The following KAZN variants were observed in gnomAD, a reference collection of about 807,000 sequenced individuals.
KAZN encodes kazrin, periplakin interacting protein.
In KAZN, 40 loss-of-function variants were observed where a neutral mutation model predicts 87.4. The ratio of observed to expected loss-of-function variants is 0.46; its 90% confidence interval spans 0.36 to 0.60. The LOEUF (loss-of-function observed/expected upper bound fraction) is 0.60, where lower values mean the gene tolerates loss of function less well. Among genes scored for constraint, KAZN ranks in the 20% least tolerant of loss-of-function variants. The probability of loss-of-function intolerance (pLI) is 0.00; values close to 1 mark genes in which losing one functional copy is unlikely to be tolerated. For missense variants in KAZN, 898 were observed against 1,073.9 expected (o/e 0.84, Z 2.29); for synonymous variants, 466 against 458.3 (o/e 1.02, Z -0.22).
intron 1 of KAZN, among the ~76,000 whole-genome samples, chr1:14,113,267 T>C (rs993707947): frequency 6.6e-6 from 1 of 152,158 alleles, no homozygotes; most frequent in Non-Finnish European, 1.5e-5. Flanking sequence ...TCTTAGGGAG[T>C]TGGGGCTGGC....
rs541996031 is a variant in KAZN at position 14,290,981 on chromosome 1, A to C, written c.249+110389A>C. On this transcript the variant is annotated intron_variant, in intron 2 of 16. Transcript: ENST00000636203. ...GGAGTTTGCTGGAGGTCCACTCCAG[A>C]CCCTGTTTGCCTGGGTATCACCAGC... 2.7e-4 allele frequency among the ~76,000 whole-genome samples: 41 copies of C among 152,212 alleles called. 1 individual carries two copies. In the East Asian group the frequency reaches 3.9e-3, roughly 14 times the overall value.
intron 2 of KAZN, among the ~76,000 whole-genome samples, chr1:14,301,284 G>A (rs896743225): frequency 1.2e-4 from 18 of 152,188 alleles, no homozygotes; most frequent in African/African-American, 2.9e-4. Context: ...AGTCAGACAC[G>A]GTAGAGGAGA....
chr1:14,041,237 T>C (rs1333756239), intron 1 of KAZN, among the ~76,000 whole-genome samples: 1 of 152,232 alleles, frequency 6.6e-6, no homozygotes. Context: ...CACCCCTCTT[T>C]CTTTTCTCCT....
At chr1:14,653,153 G>A (rs2148700737) in intron 1 of KAZN, among the ~76,000 whole-genome samples, 1 of 152,350 alleles carries the variant, frequency 6.6e-6, no homozygotes, top group South Asian at 2.1e-4. Flanking sequence ...GGGTGGTTCA[G>A]AAACAAGTCC....
In KAZN at chr1:15,063,611, C is replaced by G. The variant is rs903330901; in HGVS notation, c.1087C>G (p.Pro363Ala). ...PGPVQKNLHN[P>A]IVQSLEDLED... ...CCCAGTTCAGAAGAACCTGCACAAC[C>G]CTATTGTACAGGTAGGTGTGCCCTC... is the stretch of plus-strand genomic sequence containing the variant. The change falls in exon 7 of 15, where the codon CCT becomes GCT. Residue 363 changes from proline to alanine, a missense_variant. Physicochemically the swap from Pro to Ala is conservative, Grantham distance 27 (BLOSUM62 -1). Coordinates refer to ENST00000376030, the MANE Select transcript of KAZN (RefSeq NM_201628.3). 1 of 1,613,626 alleles carries G rather than the reference C, an allele frequency of 6.2e-7. No individual in the cohort carries two copies. Among genetic ancestry groups the G allele is most frequent in the Non-Finnish European group, 8.5e-7 (1 of 1,179,494 alleles).
intron 2 of KAZN, among the ~76,000 whole-genome samples, chr1:14,492,882 A>G (rs1669750703): frequency 6.6e-6 from 1 of 151,332 alleles, no homozygotes; most frequent in Non-Finnish European, 1.5e-5. Flanking sequence ...GCACACACAC[A>G]TGCACACCAC....
In KAZN at chr1:14,735,985, G is replaced by GT. The variant is rs1215162528; in HGVS notation, c.226+136764dup. On this transcript the variant is annotated intron_variant, in intron 1 of 14. Transcript: ENST00000376030. This position sits in a 1 kb window ranked among gnomAD's most constrained non-coding sequence, Gnocchi z 4.3. ...GATGAGTTACCTCCAACAAATAAGT[G>GT]TTATGGGACATCTGGTGGAAATGCA... Among the ~76,000 whole-genome samples, 1 of 152,122 alleles carries GT rather than the reference G, an allele frequency of 6.6e-6. No homozygotes were observed. Among genetic ancestry groups the GT allele is most frequent in the Non-Finnish European group, 1.5e-5 (1 of 68,038 alleles).
At chr1:14,267,624 A>G (rs1358654352) in intron 2 of KAZN, among the ~76,000 whole-genome samples, 2 of 151,034 alleles carry the variant, frequency 1.3e-5, no homozygotes, top group Non-Finnish European at 2.9e-5. Flanking sequence ...AGGGAAAACT[A>G]TAATATAACA....
At chr1:14,125,402 A>G (rs1457739355) in intron 1 of KAZN, among the ~76,000 whole-genome samples, 1 of 152,212 alleles carries the variant, frequency 6.6e-6, no homozygotes, top group African/African-American at 2.4e-5. Context: ...TGGAAAAAGG[A>G]TCTTTGCAGA....
exon 1 of KAZN, chr1:13,892,997 C>G (rs1222571020): frequency 6.6e-6 from 1 of 151,984 alleles, no homozygotes; most frequent in East Asian, 1.9e-4. Context: ...GGGTCCGGAG[C>G]TGCACCGCGC....
At chr1:13,963,383 A>C (rs1165560061) in intron 1 of KAZN, among the ~76,000 whole-genome samples, 3 of 152,200 alleles carry the variant, frequency 2.0e-5, no homozygotes, top group Non-Finnish European at 4.4e-5. Context: ...TGGGCACTGC[A>C]GAAGTGCTTG....
chr1:14,583,893 A>G (rs1675698124), intron 2 of KAZN, among the ~76,000 whole-genome samples: 1 of 152,078 alleles, frequency 6.6e-6, no homozygotes. Flanking sequence ...TGTGCAGCTC[A>G]CCTAAAGCTG....
At chr1:14,905,307 C>T (rs1003215803) in intron 1 of KAZN, among the ~76,000 whole-genome samples, 5 of 152,152 alleles carry the variant, frequency 3.3e-5, no homozygotes, top group Admixed American at 1.3e-4. Flanking sequence ...GATCTATCTG[C>T]CTGCTTCTGC....
intron 8 of KAZN, among the ~76,000 whole-genome samples, chr1:15,072,627 C>T (rs1168706574): frequency 2.0e-5 from 3 of 152,208 alleles, no homozygotes; most frequent in Non-Finnish European, 4.4e-5. Context: ...GACACTCACT[C>T]GTATAATCCT....
chr1:13,899,078 C>G (rs915924768), intron 1 of KAZN, among the ~76,000 whole-genome samples: 1 of 152,190 alleles, frequency 6.6e-6, no homozygotes, highest in African/African-American at 2.4e-5. Context: ...TTGTATATCC[C>G]TGAGGGGTGG....
At chr1:14,952,765 G>T (rs1457635300) in intron 1 of KAZN, among the ~76,000 whole-genome samples, 1 of 152,138 alleles carries the variant, frequency 6.6e-6, no homozygotes, top group Non-Finnish European at 1.5e-5. Context: ...AAGCCCGAAG[G>T]TCAGGGTTCT....
At chr1:14,214,244 T>TCTTTATTG (rs58305285) in intron 2 of KAZN, among the ~76,000 whole-genome samples, 1 of 151,608 alleles carries the variant, frequency 6.6e-6, no homozygotes, top group Non-Finnish European at 1.5e-5. Flanking sequence ...CGGCTTTCTT[T>TCTTTATTG]GGAGTGTACA....
At chr1:15,063,472 G>A (rs1333488196) in intron 6 of KAZN, 100 bp from the exon 7 acceptor site, 2 of 996,034 alleles carry the variant, frequency 2.0e-6, no homozygotes, top group Non-Finnish European at 3.2e-6. Context: ...CCTGAGAGAT[G>A]GCATCCTTCC....
At chr1:14,830,796 C>T (rs55693859) in intron 1 of KAZN, among the ~76,000 whole-genome samples, 8,861 of 152,196 alleles carry the variant, frequency 0.058, 648 homozygotes, top group African/African-American at 0.17. Context: ...CCACCAGGAC[C>T]CTCCCACAAC....
Sources: gnomAD v4.1 joint callset for allele counts (sites outside exome capture counted in the v4.1 genomes callset) on GRCh38, gnomAD v4.1.1 for gene constraint, Gnocchi (gnomAD v3.1) non-coding constraint, MANE v1.5 for transcripts, NCBI Gene and HGNC (gene_info 2026-07-23, HGNC 2026-07-21) for gene names.